The following NLRP3 variants were observed in gnomAD, a reference collection of about 807,000 sequenced individuals.
NLRP3 encodes NLR family pyrin domain containing 3.
A neutral mutation model predicts 91.3 loss-of-function variants in NLRP3; 48 were observed. The observed-to-expected ratio is 0.53, with a 90% confidence interval of 0.42 to 0.67. The LOEUF is 0.67. Among genes scored for constraint, NLRP3 ranks in the 30% least tolerant of loss-of-function variants. NLRP3 has a pLI of 0.00. For synonymous variants in NLRP3, 561 were observed against 507.9 expected (o/e 1.10, Z -1.41); for missense variants, 982 against 1,276.9 (o/e 0.77, Z 3.52).
In NLRP3 at chr1:247,448,777, T is replaced by G. The variant is rs1664766252; in HGVS notation, c.*273T>G. 2.0e-6 allele frequency: 1 copy of G among 499,742 alleles called. No individual in the cohort carries two copies. Among genetic ancestry groups the G allele is most frequent in the African/African-American group, 1.9e-5 (1 of 51,860 alleles). 31.0% of individuals were successfully genotyped at this position (499,742 alleles called of 1,614,324 possible). On this transcript the variant is annotated 3_prime_UTR_variant, in exon 10 of 10. Coordinates refer to ENST00000336119, the MANE Select transcript of NLRP3 (RefSeq NM_001243133.2). Reference sequence around the variant, plus strand: ...TTAGAGGATGTTCCTCTTGGTGACCTCATGTAATTAGCTCATTCAATAAAG... The same window carrying G: ...TTAGAGGATGTTCCTCTTGGTGACCGCATGTAATTAGCTCATTCAATAAAG...
rs1378276845 is a variant in NLRP3 at position 247,425,688 on chromosome 1, C to A, written c.2150+89C>A. 2 of 1,193,702 alleles carry A rather than the reference C, an allele frequency of 1.7e-6. No individual in the cohort carries two copies. The highest frequency in any genetic ancestry group is 2.4e-5 in the East Asian group (1 of 41,940). The allele number at this position is 1,193,702 out of a possible 1,614,324, so 73.9% of individuals were successfully genotyped here. A position where few individuals can be genotyped will look rare whatever the true frequency, so the allele number is the denominator to read the frequency against. Reference sequence around the variant, plus strand: ...CCTCCTCTCATCTCTTTTCAACTATCTTCCAAATACTGTTGCCACAGCTAC... The same window carrying A: ...CCTCCTCTCATCTCTTTTCAACTATATTCCAAATACTGTTGCCACAGCTAC... On this transcript the variant is annotated intron_variant, in intron 4 of 9. Transcript: ENST00000336119. The surrounding 1 kb of genome is among the most constrained non-coding windows in gnomAD (Gnocchi z 4.1).
Position 247,444,074 on chromosome 1 carries a change from C to A in NLRP3, c.2766C>A (p.Leu922=). ...ACCTTTACCTGCGAGGCAACACTCTCGGAGACAAGGGGATCAAACTACTCT... is the reference window on the plus strand; with the variant it reads ...ACCTTTACCTGCGAGGCAACACTCTAGGAGACAAGGGGATCAAACTACTCT... ...LTHLYLRGNT[L]GDKGIKLLCE... is the part of the protein sequence containing the mutation. Residue 922 remains leucine (L), a synonymous_variant, in exon 8 of 10, where the codon CTC becomes CTA. Transcript: ENST00000336119. 6.2e-7 allele frequency: 1 copy of A among 1,614,174 alleles called. No individual in the cohort carries two copies. The highest frequency in any genetic ancestry group is 2.2e-5 in the East Asian group (1 of 44,886).
Position 247,418,561 on chromosome 1 carries a change from CA to C in NLRP3, c.-237del. 1 of 514,234 alleles carries C rather than the reference CA, an allele frequency of 1.9e-6. No homozygotes were observed. The highest frequency in any genetic ancestry group is 3.5e-6 in the Non-Finnish European group (1 of 285,642). The allele number at this position is 514,234 out of a possible 1,614,324, so 31.9% of individuals were successfully genotyped here. On this transcript the variant is annotated 5_prime_UTR_variant, in exon 2 of 10. It removes the in-frame stop codon of an upstream open reading frame in the 5' UTR. Coordinates refer to ENST00000336119, the MANE Select transcript of NLRP3 (RefSeq NM_001243133.2). ...AGGTGATCTGCCTGCCTTGGCCTCT[CA>C]AAGTGCTGGGATTACAGGCGTGAGC...
Position 247,444,781 on chromosome 1 carries a change from G to C in NLRP3, c.2965G>C (p.Glu989Gln), listed in dbSNP as rs779618324. 1 of 1,614,160 alleles carries C rather than the reference G, an allele frequency of 6.2e-7. No homozygotes were observed. The highest frequency in any genetic ancestry group is 1.1e-5 in the South Asian group (1 of 91,080). ...CGACCTGGGGGTCATGATGTTCTGT[G>C]AAGTGCTGAAACAGCAGAGCTGCCT... ...LGDLGVMMFCEVLKQQSCLLQ... is the reference protein window; with the variant it reads ...LGDLGVMMFCQVLKQQSCLLQ... The change falls in exon 9 of 10, where the codon GAA (glutamate) becomes CAA (glutamine). Residue 989 changes from glutamate (E) to glutamine (Q), a missense_variant. By Grantham distance (29) the Glu-to-Gln change is conservative. Around this residue, in one of 5 missense-constraint regions of NLRP3, gnomAD observed 29 missense variants for 55.3 expected, o/e 0.52. Coordinates refer to ENST00000336119, the MANE Select transcript of NLRP3 (RefSeq NM_001243133.2).
chr1:247,419,034 G>A lies in NLRP3; in HGVS notation c.234G>A (p.Arg78=), dbSNP rs202232879. 3 of 1,613,110 alleles carry A rather than the reference G, an allele frequency of 1.9e-6. No individual in the cohort carries two copies. Among genetic ancestry groups the A allele is most frequent in the Non-Finnish European group, 2.5e-6 (3 of 1,179,998 alleles). The change falls in exon 2 of 10, where the codon AGG becomes AGA. Residue 78 remains arginine, a synonymous_variant. Coordinates refer to ENST00000336119, the MANE Select transcript of NLRP3 (RefSeq NM_001243133.2). The stretch of plus-strand genomic sequence containing the variant: ...TGTGGATCTTCGCTGCGATCAACAG[G>A]AGAGACCTTTATGAGAAAGCAAAAA... ...MAVWIFAAIN[R]RDLYEKAKRD...
intron 7 of NLRP3, among the ~76,000 whole-genome samples, chr1:247,443,539 A>AT (rs919647926): frequency 1.1e-4 from 15 of 137,446 alleles, no homozygotes; most frequent in Admixed American, 4.5e-4. Context: ...CATGAGGAGG[A>AT]TTTTTTTTTC....
Position 247,444,838 on chromosome 1 carries a change from G to A in NLRP3, c.3005+17G>A. On this transcript the variant is annotated intron_variant, in intron 9 of 9. Coordinates refer to ENST00000336119, the MANE Select transcript of NLRP3 (RefSeq NM_001243133.2). ...GAACCTGGGGTGAGTGTGCTCTGCA[G>A]AGATGCCCGTGGTGGGACTCTGAGT... 2 of 1,613,152 alleles carry A rather than the reference G, an allele frequency of 1.2e-6. No homozygotes were observed. The highest frequency in any genetic ancestry group is 1.7e-6 in the Non-Finnish European group (2 of 1,179,798).
chr1:247,419,907 GC>G (rs1160994728), intron 2 of NLRP3, among the ~76,000 whole-genome samples: 1 of 152,074 alleles, frequency 6.6e-6, no homozygotes, highest in East Asian at 1.9e-4. Flanking sequence ...TCAAGACCCT[GC>G]TTTGAATTCT....
chr1:247,443,990 T>TA lies in NLRP3; in HGVS notation c.2683dup (p.Thr895AsnfsTer15). On this transcript the variant is annotated frameshift_variant, in exon 8 of 10. Coordinates refer to ENST00000336119, the MANE Select transcript of NLRP3 (RefSeq NM_001243133.2). LOFTEE classifies it high-confidence loss of function. ...TCTACAGGTTGGTGAATTCTGGCCT[T>TA]ACGTCAGTCTGTTGTTCAGCTTTGT... 1 of 1,614,150 alleles carries TA rather than the reference T, an allele frequency of 6.2e-7. No homozygotes were observed. The highest frequency in any genetic ancestry group is 8.5e-7 in the Non-Finnish European group (1 of 1,180,012).
chr1:247,416,782 A>C (rs1463280551), intron 1 of NLRP3, among the ~76,000 whole-genome samples: 4 of 152,262 alleles, frequency 2.6e-5, no homozygotes, highest in African/African-American at 9.6e-5. Flanking sequence ...CGAGGAGTAG[A>C]TAGGCAGGAA....
chr1:247,436,753 GT>G (rs575609208), intron 7 of NLRP3, among the ~76,000 whole-genome samples: 31 of 151,914 alleles, frequency 2.0e-4, no homozygotes, highest in African/African-American at 6.8e-4. Flanking sequence ...TGATTTCCTT[GT>G]TTTTTTTGGC....
chr1:247,439,419 C>T (rs1664048411), intron 7 of NLRP3, among the ~76,000 whole-genome samples: 1 of 152,154 alleles, frequency 6.6e-6, no homozygotes, highest in Non-Finnish European at 1.5e-5. Context: ...TGTCATCTTG[C>T]TGACACATTT....
In NLRP3 at chr1:247,425,978, C is replaced by G. The variant is rs1662848304; in HGVS notation, c.2150+379C>G. ...GAACAATGCCAGAGAGTCTGTGTCC[C>G]AGGAGCGAGGGGACAGAGGGCCTCA... On this transcript the variant is annotated intron_variant, in intron 4 of 9. Transcript: ENST00000336119. The surrounding 1 kb of genome is among the most constrained non-coding windows in gnomAD (Gnocchi z 4.1). Among the ~76,000 whole-genome samples the G allele has an allele frequency of 6.6e-6, 1 of 152,134 alleles. No homozygotes were observed. The highest frequency in any genetic ancestry group is 1.5e-5 in the Non-Finnish European group (1 of 68,032).
chr1:247,427,728 T>G (rs1229346354), intron 4 of NLRP3, among the ~76,000 whole-genome samples: 2 of 105,328 alleles, frequency 1.9e-5, no homozygotes, highest in African/African-American at 7.3e-5. Context: ...TTTCTCTAGA[T>G]AGCACCTTCC....
rs764365462 is a variant in NLRP3 at position 247,444,094 on chromosome 1, T to C, written c.2786T>C (p.Leu929Pro). ...GNTLGDKGIK[L>P]LCEGLLHPDC... ...ACTCTCGGAGACAAGGGGATCAAAC[T>C]ACTCTGTGAGGGACTCTTGCACCCC... The change falls in exon 8 of 10, where the codon CTA (leucine) becomes CCA (proline). Residue 929 changes from leucine (L) to proline (P), a missense_variant. This residue lies in a region of NLRP3 where 373 missense variants were observed against 431.5 expected (regional missense o/e 0.86). Transcript: ENST00000336119. 6.2e-7 allele frequency: 1 copy of C among 1,614,218 alleles called. No homozygotes were observed. Among genetic ancestry groups the C allele is most frequent in the Non-Finnish European group, 8.5e-7 (1 of 1,180,030 alleles).
At chr1:247,446,445 T>G (rs2103248837) in intron 9 of NLRP3, among the ~76,000 whole-genome samples, 1 of 152,346 alleles carries the variant, frequency 6.6e-6, no homozygotes, top group Admixed American at 6.5e-5. Context: ...CAGCCTCTCC[T>G]GCTTCCGAAG....
At chr1:247,422,858 T>C (rs573176491) in intron 2 of NLRP3, among the ~76,000 whole-genome samples, 1 of 152,318 alleles carries the variant, frequency 6.6e-6, no homozygotes, top group African/African-American at 2.4e-5. Flanking sequence ...GTGTTGGGGA[T>C]ATAGGAGAGC....
At chr1:247,432,739 C>G (rs1663429119) in intron 5 of NLRP3, among the ~76,000 whole-genome samples, 1 of 152,048 alleles carries the variant, frequency 6.6e-6, no homozygotes, top group South Asian at 2.1e-4. Context: ...CTAACAGGCT[C>G]CAGGACCTAT....
chr1:247,419,049 G>A lies in NLRP3; in HGVS notation c.249G>A (p.Glu83=), dbSNP rs375070491. ...FAAINRRDLY[E]KAKRDEPKWG... is the part of the protein sequence containing the mutation. Reference sequence around the variant, plus strand: ...CGATCAACAGGAGAGACCTTTATGAGAAAGCAAAAAGAGATGAGCCGAAGT... The same window carrying A: ...CGATCAACAGGAGAGACCTTTATGAAAAAGCAAAAAGAGATGAGCCGAAGT... Residue 83 remains glutamate (E), a synonymous_variant, in exon 2 of 10, where the codon GAG becomes GAA. Coordinates refer to ENST00000336119, the MANE Select transcript of NLRP3 (RefSeq NM_001243133.2). 28 of 1,612,382 alleles carry A rather than the reference G, an allele frequency of 1.7e-5. No homozygotes were observed. In the African/African-American group the frequency reaches 3.6e-4, roughly 21 times the overall value.
Sources: allele counts gnomAD v4.1 joint callset (sites outside exome capture counted in the v4.1 genomes callset), GRCh38; gene constraint gnomAD v4.1.1; regional missense constraint gnomAD v4.1.1; non-coding constraint Gnocchi (gnomAD v3.1); transcripts MANE v1.5; gene names NCBI Gene and HGNC (gene_info 2026-07-23, HGNC 2026-07-21).